The following MIB1 variants were observed in gnomAD, a reference collection of about 807,000 sequenced individuals.
The protein encoded by MIB1 is E3 ubiquitin-protein ligase MIB1.
A neutral mutation model predicts 124.5 loss-of-function variants in MIB1; 278 were observed. That is an observed-to-expected ratio of 2.23 (90% CI 2.02 to 2.47). MIB1 has a LOEUF of 2.47. Among genes scored for constraint, MIB1 ranks in the 30% most tolerant of loss-of-function variants. The pLI is 0.00. For missense variants in MIB1, 957 were observed against 1,254.4 expected (o/e 0.76, Z 3.58); for synonymous variants, 446 against 429.4 (o/e 1.04, Z -0.48).
chr18:21,710,649 C>T (rs1331748508), intron 1 of MIB1, among the ~76,000 whole-genome samples: 1 of 151,762 alleles, frequency 6.6e-6, no homozygotes, highest in African/African-American at 2.4e-5. Flanking sequence ...ACTTGGGAGG[C>T]TAAGGTGGGA....
In MIB1 at chr18:21,849,319, C is replaced by T; in HGVS notation, c.2517C>T (p.Thr839=). 1.9e-6 allele frequency: 3 copies of T among 1,613,090 alleles called. No individual in the cohort carries two copies. The highest frequency in any genetic ancestry group is 2.5e-6 in the Non-Finnish European group (3 of 1,179,460). ...TLFGPCGHIA[T]CSLCSPRVKK... ...TTGGTCCATGTGGACATATTGCTAC[C>T]TGTTCTTTATGTTCTCCACGTGTCA... The change falls in exon 17 of 21, where the codon ACC becomes ACT. Residue 839 remains threonine, a synonymous_variant. Transcript: ENST00000261537.
At chr18:21,757,778 A>C (rs1320933402) in intron 1 of MIB1, among the ~76,000 whole-genome samples, 4 of 151,844 alleles carry the variant, frequency 2.6e-5, no homozygotes, top group Admixed American at 6.6e-5. Flanking sequence ...GAGCCACCAC[A>C]CCCGGCCAGT....
At chr18:21,786,552 C>T (rs1030050334) in intron 6 of MIB1, among the ~76,000 whole-genome samples, 1 of 152,106 alleles carries the variant, frequency 6.6e-6, no homozygotes, top group Non-Finnish European at 1.5e-5. Context: ...TGCTCTTTCT[C>T]AACTCTCTCT....
At chr18:21,789,583 T>TA (rs1186206289) in intron 6 of MIB1, among the ~76,000 whole-genome samples, 1 of 151,980 alleles carries the variant, frequency 6.6e-6, no homozygotes, top group Non-Finnish European at 1.5e-5. Flanking sequence ...GACACACTGA[T>TA]ATTAAAATTC....
rs1461436094 is a variant in MIB1 at position 21,844,174 on chromosome 18, C to G, written c.2132C>G (p.Thr711Ser). ...TPLHEALRHH[T>S]LSQLRQLQDM... ...TTGCATGAAGCTCTAAGGCATCACACTTTGTCTCAGCTACGTCAGCTCCAA... is the reference window on the plus strand; with the variant it reads ...TTGCATGAAGCTCTAAGGCATCACAGTTTGTCTCAGCTACGTCAGCTCCAA... Residue 711 changes from threonine (T) to serine (S), a missense_variant, in exon 15 of 21, where the codon ACT (threonine) becomes AGT (serine). Thr to Ser is a moderately conservative substitution (Grantham distance 58, BLOSUM62 1). Transcript: ENST00000261537. 2 of 1,614,136 alleles carry G rather than the reference C, an allele frequency of 1.2e-6. No individual in the cohort carries two copies. The highest frequency in any genetic ancestry group is 2.2e-5 in the East Asian group (1 of 44,874).
chr18:21,756,827 A>G (rs2041037765), intron 1 of MIB1, among the ~76,000 whole-genome samples: 1 of 152,202 alleles, frequency 6.6e-6, no homozygotes. Context: ...ATGTAAAAAA[A>G]TGCCAAAAAT....
At chr18:21,828,725 TAATTTAAA>T (rs1204018425) in intron 12 of MIB1, 2 of 191,558 alleles carry the variant, frequency 1.0e-5, no homozygotes, top group African/African-American at 2.4e-5. Context: ...TGAGAGTGCC[TAATTTAAA>T]AATGTAAGAT....
At chr18:21,815,011 T>TTATATACATA (rs1402179214) in intron 10 of MIB1, among the ~76,000 whole-genome samples, 7 of 52,652 alleles carry the variant, frequency 1.3e-4, no homozygotes, top group African/African-American at 4.4e-4. Context: ...GCTGTTGGTT[T>TTATATACATA]TATATATATA....
chr18:21,743,707 A>G (rs925778158), intron 1 of MIB1, among the ~76,000 whole-genome samples: 1 of 152,150 alleles, frequency 6.6e-6, no homozygotes, highest in Non-Finnish European at 1.5e-5. Flanking sequence ...AGCTCAAGCT[A>G]AAGTCTGACC....
chr18:21,707,592 C>G (rs1335923663), intron 1 of MIB1, among the ~76,000 whole-genome samples: 1 of 152,172 alleles, frequency 6.6e-6, no homozygotes, highest in East Asian at 1.9e-4. Context: ...AGGGAGACCA[C>G]GAACCCACCA....
chr18:21,783,706 T>C (rs1224552425), intron 6 of MIB1, among the ~76,000 whole-genome samples: 1 of 152,110 alleles, frequency 6.6e-6, no homozygotes, highest in Non-Finnish European at 1.5e-5. Flanking sequence ...GTTAGGTGAT[T>C]TTCTTTGGTA....
chr18:21,763,764 C>A (rs1024432344), intron 1 of MIB1, among the ~76,000 whole-genome samples: 1 of 152,040 alleles, frequency 6.6e-6, no homozygotes. Context: ...CCCTAAATAT[C>A]TCTGGAACCA....
intron 12 of MIB1, among the ~76,000 whole-genome samples, chr18:21,832,771 T>C (rs2041995710): frequency 1.3e-5 from 2 of 152,234 alleles, no homozygotes; most frequent in South Asian, 4.1e-4. Flanking sequence ...TGGGCAATTT[T>C]AAACAGCTTT....
At chr18:21,857,301 C>A in intron 19 of MIB1, 58 bp downstream of exon 19, 1 of 1,022,342 alleles carries the variant, frequency 9.8e-7, no homozygotes, top group Non-Finnish European at 1.5e-6. Context: ...CTTGCATAAA[C>A]ACCTCTTCTC....
Position 21,741,459 on chromosome 18 carries a change from C to G in MIB1, c.-125C>G, listed in dbSNP as rs2040849368. 2 of 480,032 alleles carry G rather than the reference C, an allele frequency of 4.2e-6. No individual in the cohort carries two copies. The highest frequency in any genetic ancestry group is 5.0e-5 in the Admixed American group (1 of 20,020). The allele number at this position is 480,032 out of a possible 1,614,324, so 29.7% of individuals were successfully genotyped here. A position where few individuals can be genotyped will look rare whatever the true frequency, so the allele number is the denominator to read the frequency against. ...GCCCCCGTGAGTTATTCTCACGTCC[C>G]CCGGGGCTCGCTGCCGCCCCCGCCG... is the stretch of plus-strand genomic sequence containing the variant. On this transcript the variant is annotated 5_prime_UTR_variant, in exon 1 of 21. Coordinates refer to ENST00000261537, the MANE Select transcript of MIB1 (RefSeq NM_020774.4). This position sits in a 1 kb window ranked among gnomAD's most constrained non-coding sequence, Gnocchi z 5.4.
intron 1 of MIB1, among the ~76,000 whole-genome samples, chr18:21,762,004 G>A (rs1228142999): frequency 1.3e-5 from 2 of 152,008 alleles, no homozygotes; most frequent in Non-Finnish European, 2.9e-5. Flanking sequence ...TTCACATTTT[G>A]TTCTGTATGC....
At chr18:21,705,691 T>C (rs867276720) in intron 1 of MIB1, among the ~76,000 whole-genome samples, 2 of 152,170 alleles carry the variant, frequency 1.3e-5, no homozygotes, top group Non-Finnish European at 2.9e-5. Context: ...ATTAATGATG[T>C]AATTTAGATG....
chr18:21,795,963 T>C (rs890963505), intron 7 of MIB1, among the ~76,000 whole-genome samples: 1 of 152,162 alleles, frequency 6.6e-6, no homozygotes, highest in African/African-American at 2.4e-5. Context: ...GAGATGCAGA[T>C]ATAATATAGA....
chr18:21,788,092 A>T (rs1262633209), intron 6 of MIB1, among the ~76,000 whole-genome samples: 1 of 152,136 alleles, frequency 6.6e-6, no homozygotes, highest in Non-Finnish European at 1.5e-5. Context: ...TTACCTATTA[A>T]AATTCATTTG....
Sources: gnomAD v4.1 joint callset for allele counts (sites outside exome capture counted in the v4.1 genomes callset) on GRCh38, gnomAD v4.1.1 for gene constraint, Gnocchi (gnomAD v3.1) non-coding constraint, MANE v1.5 for transcripts, NCBI Gene and HGNC (gene_info 2026-07-23, HGNC 2026-07-21) for gene names.